The following NLRP7 variants were observed in gnomAD, a reference collection of about 807,000 sequenced individuals.
NLRP7 encodes the protein NACHT, LRR and PYD domains-containing protein 7.
NLRP7 carries 72 observed loss-of-function variants against 85.5 expected under a neutral mutation model. The observed-to-expected ratio is 0.84, with a 90% CI of 0.70 to 1.02. The LOEUF (loss-of-function observed/expected upper bound fraction) is 1.02. Ranked by LOEUF, NLRP7 falls within the 50% of genes least tolerant of loss-of-function variation. NLRP7 has a pLI of 0.00. For missense variants in NLRP7, 1,243 were observed against 1,219.5 expected, an observed-to-expected ratio of 1.02 and a Z score of -0.29; for synonymous variants, 550 against 505.2, an observed-to-expected ratio of 1.09 and a Z score of -1.19.
At chr19:54,962,730 G>A (rs1301837312) in intron 1 of NLRP7, among the ~76,000 whole-genome samples, 1 of 151,300 alleles carries the variant, frequency 6.6e-6, no homozygotes, top group Non-Finnish European at 1.5e-5. Context: ...CTCCCGAGTA[G>A]CTGGGACTAC....
intron 5 of NLRP7, among the ~76,000 whole-genome samples, chr19:54,937,679 C>A (rs896374713): frequency 6.6e-5 from 10 of 152,076 alleles, no homozygotes; most frequent in Admixed American, 1.3e-4. Context: ...AGGCAAATCA[C>A]CTGAGGTCAG....
At position 54,930,387 on chromosome 19, in the gene NLRP7, G is replaced by A. The variant is rs1052060662; in HGVS notation, c.2810+112C>T. On this transcript the variant is annotated intron_variant, in intron 9 of 9. Coordinates refer to ENST00000340844, the Ensembl canonical transcript of NLRP7. The stretch of plus-strand genomic sequence containing the variant: ...TGAGGTGGGAGAACCGATCAAGCCT[G>A]GAAGACCGAAGCCGCAGTGAGCCGT... The A allele has an allele frequency of 5.6e-5, 42 of 751,488 alleles. No homozygotes were observed. The African/African-American group carries it at 6.4e-4, about 11-fold the overall frequency. The allele number at this position is 751,488 out of a possible 1,614,324, so 46.6% of individuals were successfully genotyped here.
At chr19:54,930,435 C>A in intron 9 of NLRP7, 64 bp downstream of exon 9, 1 of 1,186,332 alleles carries the variant, frequency 8.4e-7, no homozygotes. Context: ...GCACTCCAGG[C>A]TGGGGGACAG....
chr19:54,927,835 T>A, intron 9 of NLRP7, 60 bp from the exon 10 acceptor site: 1 of 1,473,972 alleles, frequency 6.8e-7, no homozygotes, highest in Non-Finnish European at 9.5e-7. Context: ...CTCAAGCGTG[T>A]AATCCCAACA....
chr19:54,961,991 C>G (rs567915922), intron 1 of NLRP7, among the ~76,000 whole-genome samples: 66 of 150,076 alleles, frequency 4.4e-4, no homozygotes, highest in African/African-American at 1.5e-3. Flanking sequence ...TGGTGAAACC[C>G]CATCTCTACT....
At chr19:54,936,703 T>C (rs1325678877) in intron 5 of NLRP7, among the ~76,000 whole-genome samples, 2 of 151,750 alleles carry the variant, frequency 1.3e-5, no homozygotes, top group African/African-American at 4.8e-5. Flanking sequence ...TCGCCTGAGG[T>C]CAGGAGTTCG....
At chr19:54,947,402 C>T in intron 1 of NLRP7, 67 bp downstream of exon 1, 2 of 1,171,622 alleles carry the variant, frequency 1.7e-6, no homozygotes, top group Non-Finnish European at 2.3e-6. Context: ...ATGGTGGAAA[C>T]TCAACCAATA....
intron 9 of NLRP7, 75 bp from the exon 10 acceptor site, chr19:54,927,850 G>A (rs531038565): frequency 5.0e-5 from 67 of 1,342,770 alleles, no homozygotes; most frequent in African/African-American, 2.3e-4. Context: ...CCAACACTTC[G>A]GGAGGCCAAG....
intron 2 of NLRP7, 136 bp from the exon 3 acceptor site, chr19:54,941,141 A>T: frequency 1.3e-6 from 1 of 774,926 alleles, no homozygotes; most frequent in South Asian, 1.4e-5. Context: ...AGGTGGGCGG[A>T]TCACAAGGTC....
intron 1 of NLRP7, among the ~76,000 whole-genome samples, chr19:54,963,426 G>C (rs935408085): frequency 1.3e-5 from 2 of 151,600 alleles, no homozygotes; most frequent in African/African-American, 4.8e-5. Context: ...GCGGTGGTTC[G>C]TGCCTGCAAC....
rs566363684 is a variant in NLRP7 at position 54,959,178 on chromosome 19, G to A, written c.-77+6862C>T. Among the ~76,000 whole-genome samples the A allele has an allele frequency of 4.5e-4, 65 of 144,662 alleles. 1 individual carries two copies. The highest frequency in any genetic ancestry group is 3.8e-4 in the Non-Finnish European group (25 of 66,600). The allele number at this position is 144,662 out of a possible 152,430, so 94.9% of individuals were successfully genotyped here. A position where few individuals can be genotyped will look rare whatever the true frequency, so the allele number is the denominator to read the frequency against. ...TTTTGAGACAGAGTCTTGCTCTGTC[G>A]CTAAGGCTGGAGTGCAGTGGCACAA... is the stretch of plus-strand genomic sequence containing the variant. On this transcript the variant is annotated intron_variant, in intron 1 of 2. Transcript: ENST00000587103.
chr19:54,963,756 G>A (rs1160448989), intron 1 of NLRP7, among the ~76,000 whole-genome samples: 10 of 151,142 alleles, frequency 6.6e-5, no homozygotes, highest in African/African-American at 1.2e-4. Context: ...CTCTGGAGGC[G>A]GAGGTTGCAG....
At chr19:54,923,604 G>A in exon 10 of NLRP7, 1 of 995,514 alleles carries the variant, frequency 1.0e-6, no homozygotes, top group Non-Finnish European at 1.6e-6. Flanking sequence ...CCCAAAAATA[G>A]TGAGAAAACC....
chr19:54,951,228 ATCTC>A (rs1175087548), upstream of NLRP7, among the ~76,000 whole-genome samples: 2 of 152,082 alleles, frequency 1.3e-5, no homozygotes, highest in East Asian at 1.9e-4. Flanking sequence ...TTACAATCTG[ATCTC>A]TCTTTCTTTT....
At chr19:54,949,769 G>T (rs1052031343), upstream of NLRP7, among the ~76,000 whole-genome samples, 2 of 152,122 alleles carry the variant, frequency 1.3e-5, no homozygotes, top group Non-Finnish European at 2.9e-5. Context: ...TATGTGATCA[G>T]CATTGCCCAC....
At chr19:54,936,557 C>T (rs1380538635) in intron 5 of NLRP7, 126 bp from the exon 6 acceptor site, 4 of 833,504 alleles carry the variant, frequency 4.8e-6, no homozygotes, top group South Asian at 1.4e-5. Flanking sequence ...TGCAGTGGCT[C>T]GTGTCTGTAA....
At chr19:54,939,570 G>A (rs775497218) in exon 4 of NLRP7, 4 of 1,612,326 alleles carry the variant, frequency 2.5e-6, no homozygotes, top group African/African-American at 1.3e-5. Flanking sequence ...GCGGCCAGGA[G>A]GCTCAGCGTC....
intron 9 of NLRP7, among the ~76,000 whole-genome samples, chr19:54,928,481 T>C (rs1022023925): frequency 1.3e-5 from 2 of 152,266 alleles, no homozygotes; most frequent in East Asian, 1.9e-4. Flanking sequence ...GAAGAAATCC[T>C]TGTCCTCAGA....
At chr19:54,946,671 A>G (rs190157774) in intron 1 of NLRP7, among the ~76,000 whole-genome samples, 7 of 137,294 alleles carry the variant, frequency 5.1e-5, no homozygotes, top group Admixed American at 3.6e-4. Context: ...ACGGAGTCGC[A>G]CTCTGTCTCC....
Sources: gnomAD v4.1 joint callset for allele counts (sites outside exome capture counted in the v4.1 genomes callset) on GRCh38, gnomAD v4.1.1 for gene constraint, MANE v1.5 for transcripts, NCBI Gene and HGNC (gene_info 2026-07-23, HGNC 2026-07-21) for gene names.